CSMD3: variants seen among roughly 807,000 people sequenced by gnomAD.
CSMD3 encodes the protein CUB and Sushi multiple domains 3, also known as CUB and sushi domain-containing protein 3.
In CSMD3, 177 loss-of-function variants were observed where a neutral mutation model predicts 435.2. The observed-to-expected ratio is 0.41, with a 90% confidence interval of 0.36 to 0.46. CSMD3 has a LOEUF of 0.46. CSMD3 is among the 20% of genes least tolerant of loss of function. The pLI is 0.34. For missense variants in CSMD3, 4,265 were observed against 4,504.6 expected (o/e 0.95, Z 1.52); for synonymous variants, 1,656 against 1,520.5 (o/e 1.09, Z -2.07).
intron 8 of CSMD3, among the ~76,000 whole-genome samples, chr8:112,953,324 A>G (rs1220547449): frequency 1.3e-5 from 2 of 151,452 alleles, no homozygotes; most frequent in African/African-American, 4.8e-5. Flanking sequence ...GTCTTTTTTT[A>G]TCATAGAAAA....
At chr8:113,122,523 A>T (rs117228686) in intron 4 of CSMD3, among the ~76,000 whole-genome samples, 3,885 of 152,230 alleles carry the variant, frequency 0.026, 78 homozygotes, top group Middle Eastern at 0.061. Flanking sequence ...AAATTATGAG[A>T]TCACCCAGGA....
rs145947606 is a variant in CSMD3, at chr8:113,007,749, C to G, written c.1030+11318G>C. On this transcript the variant is annotated intron_variant, in intron 6 of 70. Transcript: ENST00000297405. The stretch of plus-strand genomic sequence containing the variant: ...TGATTTATTTGAATTTGTCAGTATA[C>G]CTAACTGGAAAAACTAGAAGATACC... Among the ~76,000 whole-genome samples the G allele has an allele frequency of 2.6e-5, 4 of 151,864 alleles. No individual in the cohort carries two copies. In the East Asian group the frequency reaches 7.8e-4, roughly 29 times the overall value.
intron 32 of CSMD3, among the ~76,000 whole-genome samples, chr8:112,467,620 A>G (rs1474656665): frequency 2.0e-5 from 3 of 152,194 alleles, no homozygotes; most frequent in African/African-American, 7.2e-5. Context: ...ATCTGGAAAC[A>G]GGGATTTTGC....
intron 32 of CSMD3, among the ~76,000 whole-genome samples, chr8:112,420,146 T>A (rs1027094249): frequency 9.2e-5 from 14 of 152,172 alleles, no homozygotes; most frequent in African/African-American, 3.4e-4. Context: ...TTACTGGGAT[T>A]TATTTTATTA....
At chr8:112,473,697 A>C (rs1247765596) in intron 31 of CSMD3, among the ~76,000 whole-genome samples, 1 of 49,450 alleles carries the variant, frequency 2.0e-5, no homozygotes, top group Non-Finnish European at 4.0e-5. Flanking sequence ...TTTCTGCCCC[A>C]GGTGTAAGTT....
intron 13 of CSMD3, among the ~76,000 whole-genome samples, chr8:112,712,891 A>C (rs2076640773): frequency 6.6e-6 from 1 of 152,078 alleles, no homozygotes; most frequent in South Asian, 2.1e-4. Flanking sequence ...AGGACACCCA[A>C]CTCAACATTT....
intron 1 of CSMD3, among the ~76,000 whole-genome samples, chr8:113,409,753 A>G (rs1198824692): frequency 1.3e-5 from 2 of 152,164 alleles, no homozygotes; most frequent in Non-Finnish European, 2.9e-5. Context: ...TACACATTAT[A>G]TTGACCTATT....
intron 3 of CSMD3, among the ~76,000 whole-genome samples, chr8:113,180,765 C>A (rs968582631): frequency 6.6e-6 from 1 of 152,004 alleles, no homozygotes; most frequent in African/African-American, 2.4e-5. Flanking sequence ...GATCACATTG[C>A]CACCATGTGA....
At chr8:112,978,255 G>T (rs531633574) in intron 6 of CSMD3, among the ~76,000 whole-genome samples, 1 of 152,066 alleles carries the variant, frequency 6.6e-6, no homozygotes, top group Admixed American at 6.6e-5. Context: ...ACATGTCTGA[G>T]CACGCCTACC....
At chr8:112,835,686 A>T (rs1587434267) in intron 11 of CSMD3, among the ~76,000 whole-genome samples, 1 of 152,028 alleles carries the variant, frequency 6.6e-6, no homozygotes, top group East Asian at 1.9e-4. Flanking sequence ...TCTGGCAAAG[A>T]GTGTCAAAAG....
At chr8:113,304,930 A>G (rs1474469913) in intron 2 of CSMD3, among the ~76,000 whole-genome samples, 3 of 134,516 alleles carry the variant, frequency 2.2e-5, no homozygotes, top group Non-Finnish European at 4.8e-5. Context: ...AAAAAAAAAA[A>G]GAAAATGTGG....
At chr8:113,034,458 T>C (rs2087254225) in intron 5 of CSMD3, among the ~76,000 whole-genome samples, 1 of 145,768 alleles carries the variant, frequency 6.9e-6, no homozygotes, top group South Asian at 2.2e-4. Flanking sequence ...TCTATTTATA[T>C]AGAACAATCA....
intron 2 of CSMD3, among the ~76,000 whole-genome samples, chr8:113,308,840 C>A (rs2093844587): frequency 6.6e-6 from 1 of 152,174 alleles, no homozygotes; most frequent in Non-Finnish European, 1.5e-5. Context: ...TTTATATATG[C>A]ATCTGGATGT....
intron 5 of CSMD3, among the ~76,000 whole-genome samples, chr8:113,097,487 TATGTTGTTAAGTCTCAG>T (rs1477983118): frequency 6.6e-6 from 1 of 152,040 alleles, no homozygotes; most frequent in Non-Finnish European, 1.5e-5. Context: ...CCAGGACTTA[TATGTTGTTAAGTCTCAG>T]ATTCAGTCCC....
chr8:112,889,639 G>C (rs2081722006), intron 10 of CSMD3, among the ~76,000 whole-genome samples: 1 of 151,778 alleles, frequency 6.6e-6, no homozygotes, highest in African/African-American at 2.4e-5. Flanking sequence ...ATTGAATTAA[G>C]AGCAGGCAAA....
chr8:112,996,881 G>C (rs568388717), intron 6 of CSMD3, among the ~76,000 whole-genome samples: 29 of 151,652 alleles, frequency 1.9e-4, no homozygotes, highest in African/African-American at 7.0e-4. Context: ...ATAAATAATA[G>C]TGTTAGTTTC....
chr8:112,913,612 C>A (rs937831036), intron 10 of CSMD3, among the ~76,000 whole-genome samples: 6 of 151,754 alleles, frequency 4.0e-5, no homozygotes, highest in Non-Finnish European at 8.8e-5. Flanking sequence ...AGATTTTTCC[C>A]ATCCTCAATA....
intron 27 of CSMD3, among the ~76,000 whole-genome samples, chr8:112,533,256 T>G (rs1428920357): frequency 6.6e-6 from 1 of 151,922 alleles, no homozygotes; most frequent in Non-Finnish European, 1.5e-5. Context: ...CAAAATGACA[T>G]TTGTAAGTCC....
At chr8:113,199,515 T>A (rs755466283) in intron 3 of CSMD3, among the ~76,000 whole-genome samples, 4 of 151,752 alleles carry the variant, frequency 2.6e-5, no homozygotes, top group African/African-American at 4.8e-5. Context: ...CACCTTAAAT[T>A]TAAAAACTGC....
Sources: allele counts gnomAD v4.1 joint callset (sites outside exome capture counted in the v4.1 genomes callset), GRCh38; gene constraint gnomAD v4.1.1; transcripts MANE v1.5; gene names NCBI Gene and HGNC (gene_info 2026-07-23, HGNC 2026-07-21).